SCYL2: variants seen among roughly 807,000 people sequenced by gnomAD.
SCYL2 encodes SCY1 like pseudokinase 2.
In SCYL2, 36 loss-of-function variants were observed where a neutral mutation model predicts 100.4. The ratio of observed to expected loss-of-function variants is 0.36; its 90% CI spans 0.27 to 0.47. SCYL2 has a LOEUF of 0.47. SCYL2 is among the 20% of genes least tolerant of loss of function. SCYL2 has a pLI of 1.00. For synonymous variants in SCYL2, 330 were observed against 359.2 expected, an observed-to-expected ratio of 0.92 and a Z score of 0.92; for missense variants, 902 against 1,083.9, an observed-to-expected ratio of 0.83 and a Z score of 2.36.
chr12:100,310,176 T>G (rs192818927), intron 4 of SCYL2, among the ~76,000 whole-genome samples: 1 of 152,274 alleles, frequency 6.6e-6, no homozygotes, highest in African/African-American at 2.4e-5. Flanking sequence ...TTTTTGTGTT[T>G]TTAGTATTGA....
At chr12:100,281,051 G>A (rs1207004755) in intron 1 of SCYL2, among the ~76,000 whole-genome samples, 2 of 59,440 alleles carry the variant, frequency 3.4e-5, no homozygotes, top group Admixed American at 4.9e-4. Flanking sequence ...TTTTTTTTGA[G>A]ATAGAGCCTG....
chr12:100,340,387 G>A lies in SCYL2; in HGVS notation c.*1215G>A, dbSNP rs1952338006. The A allele has an allele frequency of 1.3e-5, 2 of 151,980 alleles. No homozygotes were observed. Among genetic ancestry groups the A allele is most frequent in the Admixed American group, 1.3e-4 (2 of 15,264 alleles). 9.4% of individuals were successfully genotyped at this position (151,980 alleles called of 1,614,324 possible). A position where few individuals can be genotyped will look rare whatever the true frequency, so the allele number is the denominator to read the frequency against. Reference sequence around the variant, plus strand: ...AATTTGCTGATTATTCAACCACAGAGCCTTATGCTATAAATGTCATTTGTA... The same window carrying A: ...AATTTGCTGATTATTCAACCACAGAACCTTATGCTATAAATGTCATTTGTA... On this transcript the variant is annotated 3_prime_UTR_variant, in exon 18 of 18. Coordinates refer to ENST00000360820, the MANE Select transcript of SCYL2 (RefSeq NM_017988.6).
intron 12 of SCYL2, among the ~76,000 whole-genome samples, 172 bp from the exon 13 acceptor site, chr12:100,329,029 A>G (rs2135930789): frequency 6.6e-6 from 1 of 152,312 alleles, no homozygotes; most frequent in African/African-American, 2.4e-5. Context: ...CCTGATGATA[A>G]AGGCTGAAAT....
chr12:100,326,801 A>C, intron 12 of SCYL2, 47 bp downstream of exon 12: 1 of 1,540,890 alleles, frequency 6.5e-7, no homozygotes, highest in Non-Finnish European at 8.8e-7. Flanking sequence ...TCATGCAAAT[A>C]AATTTTCCAA....
chr12:100,302,405 T>C (rs910558227), intron 4 of SCYL2, among the ~76,000 whole-genome samples: 6 of 152,190 alleles, frequency 3.9e-5, no homozygotes, highest in African/African-American at 1.4e-4. Context: ...AGTTTTTCCT[T>C]TCCATATTTA....
intron 13 of SCYL2, among the ~76,000 whole-genome samples, chr12:100,331,175 A>T (rs774342004): frequency 2.6e-5 from 4 of 152,118 alleles, no homozygotes; most frequent in Non-Finnish European, 5.9e-5. Context: ...CTTGGATAGC[A>T]GAGTTGAGGT....
At chr12:100,307,617 T>C (rs1297132532) in intron 4 of SCYL2, among the ~76,000 whole-genome samples, 1 of 152,110 alleles carries the variant, frequency 6.6e-6, no homozygotes, top group East Asian at 1.9e-4. Context: ...CCAAAAGCAA[T>C]GGCAACAAAA....
At chr12:100,307,869 C>A (rs557749671) in intron 4 of SCYL2, among the ~76,000 whole-genome samples, 1 of 152,164 alleles carries the variant, frequency 6.6e-6, no homozygotes, top group East Asian at 1.9e-4. Context: ...TTTATGCAGC[C>A]AACAAACATA....
At chr12:100,299,699 A>T (rs923611320) in intron 4 of SCYL2, among the ~76,000 whole-genome samples, 41 of 151,476 alleles carry the variant, frequency 2.7e-4, no homozygotes, top group African/African-American at 9.5e-4. Flanking sequence ...TCAATAGTTG[A>T]TTCTTTTTTT....
intron 3 of SCYL2, chr12:100,291,929 A>G: frequency 3.0e-6 from 1 of 332,182 alleles, no homozygotes; most frequent in Non-Finnish European, 5.4e-6. Context: ...AAAATAGAAC[A>G]TACAAGGGTA....
intron 2 of SCYL2, among the ~76,000 whole-genome samples, chr12:100,288,116 T>C (rs1189294968): frequency 3.3e-5 from 5 of 152,174 alleles, no homozygotes; most frequent in African/African-American, 1.2e-4. Flanking sequence ...AGTGTAATAG[T>C]TTTATTTTAG....
intron 1 of SCYL2, among the ~76,000 whole-genome samples, chr12:100,275,433 C>T (rs1304970651): frequency 6.6e-6 from 1 of 152,158 alleles, no homozygotes; most frequent in Non-Finnish European, 1.5e-5. Context: ...TGTACTCAAG[C>T]AATCCTTCCA....
chr12:100,273,474 C>T (rs938383872), intron 1 of SCYL2, among the ~76,000 whole-genome samples: 4 of 152,098 alleles, frequency 2.6e-5, no homozygotes, highest in African/African-American at 9.7e-5. Flanking sequence ...TCATTTACTT[C>T]CTTCCCAGTT....
Position 100,313,406 on chromosome 12 carries a change from T to C in SCYL2, c.853-16T>C, listed in dbSNP as rs556369762. The C allele has an allele frequency of 6.7e-6, 8 of 1,192,808 alleles. No individual in the cohort carries two copies. Among genetic ancestry groups the C allele is most frequent in the South Asian group, 5.1e-5 (4 of 78,308 alleles). 73.9% of individuals were successfully genotyped at this position (1,192,808 alleles called of 1,614,324 possible). A position where few individuals can be genotyped will look rare whatever the true frequency, so the allele number is the denominator to read the frequency against. On this transcript the variant is annotated splice_polypyrimidine_tract_variant and intron_variant, in intron 6 of 17. Coordinates refer to ENST00000360820, the MANE Select transcript of SCYL2 (RefSeq NM_017988.6). ...AATATTTTATACTCATTTAATGTTATCACTCTTTTGAATAGTTGAGTCGTT... is the reference window on the plus strand; with the variant it reads ...AATATTTTATACTCATTTAATGTTACCACTCTTTTGAATAGTTGAGTCGTT...
intron 3 of SCYL2, among the ~76,000 whole-genome samples, chr12:100,292,714 G>A (rs78378876): frequency 0.025 from 3,759 of 152,220 alleles, 151 homozygotes; most frequent in African/African-American, 0.085. Flanking sequence ...GAAACTGTAT[G>A]GTTTTAAGTG....
intron 4 of SCYL2, 132 bp from the exon 5 acceptor site, chr12:100,310,912 T>G: frequency 7.5e-6 from 6 of 798,684 alleles, no homozygotes; most frequent in South Asian, 2.5e-5. Context: ...GTATTTATGA[T>G]GAAATTTGAT....
At chr12:100,287,451 G>C (rs752505201) in intron 2 of SCYL2, among the ~76,000 whole-genome samples, 11 of 152,194 alleles carry the variant, frequency 7.2e-5, no homozygotes, top group Non-Finnish European at 1.6e-4. Context: ...GTGCCGCCAT[G>C]CCTGGCTCAC....
chr12:100,271,426 A>G (rs951043334), intron 1 of SCYL2, among the ~76,000 whole-genome samples: 7 of 152,186 alleles, frequency 4.6e-5, no homozygotes, highest in African/African-American at 1.4e-4. Context: ...TAATTCTTGA[A>G]TGTAATTCTT....
At position 100,323,562 on chromosome 12, in the gene SCYL2, T is replaced by C. The variant is rs773197328; in HGVS notation, c.1433T>C (p.Leu478Pro). 15 of 1,604,210 alleles carry C rather than the reference T, an allele frequency of 9.4e-6. No homozygotes were observed. Among genetic ancestry groups the C allele is most frequent in the African/African-American group, 2.7e-5 (2 of 74,552 alleles). ...CLNIIPTFAN[L>P]IDYPSMKNAL... is the part of the protein sequence containing the mutation. ...AACATCATTCCAACCTTTGCAAATC[T>C]TATAGACTACCCATCCATGAAAAAC... Residue 478 changes from leucine (L) to proline (P), a missense_variant, in exon 11 of 18, where the codon CTT (leucine) becomes CCT (proline). Coordinates refer to ENST00000360820, the MANE Select transcript of SCYL2 (RefSeq NM_017988.6).
Sources: allele counts gnomAD v4.1 joint callset (sites outside exome capture counted in the v4.1 genomes callset), GRCh38; gene constraint gnomAD v4.1.1; transcripts MANE v1.5; gene names NCBI Gene and HGNC (gene_info 2026-07-23, HGNC 2026-07-21).